Variants in FSTL3 observed in about 807,000 individuals in gnomAD.
The protein encoded by FSTL3 is follistatin like 3.
In FSTL3, 21 loss-of-function variants were observed where a neutral mutation model predicts 28.1. The observed-to-expected ratio is 0.75, with a 90% CI of 0.53 to 1.08. The LOEUF is 1.08. FSTL3 is among the 50% of genes least tolerant of loss of function. The pLI, the probability that FSTL3 is intolerant of heterozygous loss-of-function variation, is 0.00. For missense variants in FSTL3, 400 were observed against 380.9 expected (o/e 1.05, Z -0.42); for synonymous variants, 199 against 164.2 (o/e 1.21, Z -1.62).
In FSTL3 at chr19:680,479, C is replaced by T; in HGVS notation, c.495C>T (p.Gly165=). 3 of 1,250,240 alleles carry T rather than the reference C, an allele frequency of 2.4e-6. No individual in the cohort carries two copies. Among genetic ancestry groups the T allele is most frequent in the East Asian group, 3.2e-5 (1 of 31,626 alleles). 77.4% of individuals were successfully genotyped at this position (1,250,240 alleles called of 1,614,324 possible). The change falls in exon 3 of 5, where the codon GGC becomes GGT. Residue 165 remains glycine (G), a synonymous_variant. Transcript: ENST00000166139. ...CGGACCTGAGCGTCATGTACCGGGG[C>T]CGCTGCCGCAGTACGTGGGGGCGTG... ...GHPDLSVMYR[G]RCRKSCEHVV...
chr19:680,541 C>T, intron 3 of FSTL3, 52 bp downstream of exon 3: 1 of 1,029,830 alleles, frequency 9.7e-7, no homozygotes, highest in African/African-American at 1.8e-5. Flanking sequence ...ACCGGACCTG[C>T]GCGTCATGTA....
Position 681,466 on chromosome 19 carries a change from C to A in FSTL3, c.639C>A (p.Asn213Lys). 6.2e-7 allele frequency: 1 copy of A among 1,601,308 alleles called. No homozygotes were observed. Among genetic ancestry groups the A allele is most frequent in the East Asian group, 2.2e-5 (1 of 44,862 alleles). Residue 213 changes from asparagine to lysine, a missense_variant, in exon 4 of 5, where the codon AAC becomes AAA. Asn to Lys is a moderately conservative substitution (Grantham distance 94). Transcript: ENST00000166139. ...GCCCCGGCCAGGAGCTTTGCGGCAA[C>A]AACAACGTCACCTACATCTCCTCGT... The part of the protein sequence containing the change: ...PSSPGQELCG[N>K]NNVTYISSCH...
In FSTL3 at chr19:681,933, G is replaced by A. The variant is rs947344979; in HGVS notation, c.*225G>A. 5.1e-6 allele frequency: 3 copies of A among 591,846 alleles called. No individual in the cohort carries two copies. The highest frequency in any genetic ancestry group is 3.0e-6 in the Non-Finnish European group (1 of 331,460). 36.7% of individuals were successfully genotyped at this position (591,846 alleles called of 1,614,324 possible). A position where few individuals can be genotyped will look rare whatever the true frequency, so the allele number is the denominator to read the frequency against. On this transcript the variant is annotated 3_prime_UTR_variant, in exon 5 of 5. Transcript: ENST00000166139. ...TAGACCTGCGTTCCGGACACTGAGC[G>A]CCTGATTTAGGGCCCTTCTCTAGGA...
In FSTL3 at chr19:683,209, CT is replaced by C. The variant is rs2031378081; in HGVS notation, c.*1502del. ...ACGGAGGATATCCAGCTTCCCCGGT[CT>C]GGGGTGAGGAATGTGGGGAGCTTGG... On this transcript the variant is annotated 3_prime_UTR_variant, in exon 5 of 5. Transcript: ENST00000166139. 1 of 233,096 alleles carries C rather than the reference CT, an allele frequency of 4.3e-6. No individual in the cohort carries two copies. Among genetic ancestry groups the C allele is most frequent in the African/African-American group, 2.2e-5 (1 of 45,384 alleles). The allele number at this position is 233,096 out of a possible 1,614,324, so 14.4% of individuals were successfully genotyped here.
Position 677,816 on chromosome 19 carries a change from G to C in FSTL3, c.128G>C (p.Gly43Ala). 8 of 1,611,104 alleles carry C rather than the reference G, an allele frequency of 5.0e-6. No homozygotes were observed. Among genetic ancestry groups the C allele is most frequent in the Non-Finnish European group, 5.9e-6 (7 of 1,179,850 alleles). Reference sequence around the variant, plus strand: ...GGTGGTGTTTGCTGGCTCCAGCAGGGCCAGGAGGCCACCTGCAGCCTGGTG... The same window carrying C: ...GGTGGTGTTTGCTGGCTCCAGCAGGCCCAGGAGGCCACCTGCAGCCTGGTG... ...APGGVCWLQQ[G>A]QEATCSLVLQ... The change falls in exon 2 of 5, where the codon GGC becomes GCC. Residue 43 changes from glycine (G) to alanine (A), a missense_variant. Transcript: ENST00000166139.
chr19:677,060 TATG>T (rs923695000), intron 1 of FSTL3, among the ~76,000 whole-genome samples: 1 of 152,128 alleles, frequency 6.6e-6, no homozygotes, highest in Non-Finnish European at 1.5e-5. Flanking sequence ...TTTCCCCTCC[TATG>T]ATGGGTGCCA....
rs1383438852 is a variant in FSTL3, at chr19:681,357, C to T, written c.530C>T (p.Pro177Leu). ...GAGTCCTGTGAGCACGTGGTGTGCC[C>T]GCGGCCACAGTCGTGCGTCGTGGAC... ...CRKSCEHVVC[P>L]RPQSCVVDQT... Residue 177 changes from proline (P) to leucine (L), a missense_variant, in exon 4 of 5, where the codon CCG becomes CTG. Physicochemically the swap from Pro to Leu is moderately conservative, Grantham distance 98. Transcript: ENST00000166139. 4.4e-6 allele frequency: 7 copies of T among 1,580,656 alleles called. No individual in the cohort carries two copies. The highest frequency in any genetic ancestry group is 6.0e-6 in the Non-Finnish European group (7 of 1,170,762).
In FSTL3 at chr19:681,892, C is replaced by T. The variant is rs1416046891; in HGVS notation, c.*184C>T. On this transcript the variant is annotated 3_prime_UTR_variant, in exon 5 of 5. Transcript: ENST00000166139. ...GACTGAGGAAGGGAGGCCTGGGGGC[C>T]GGCTGGTGGGTGGGATAGACCTGCG... is the stretch of plus-strand genomic sequence containing the variant. The T allele has an allele frequency of 2.7e-5, 17 of 636,154 alleles. No homozygotes were observed. Among genetic ancestry groups the T allele is most frequent in the Admixed American group, 1.6e-4 (6 of 37,474 alleles). The allele number at this position is 636,154 out of a possible 1,614,324, so 39.4% of individuals were successfully genotyped here.
chr19:681,751 C>G lies in FSTL3; in HGVS notation c.*43C>G. 6 of 1,486,172 alleles carry G rather than the reference C, an allele frequency of 4.0e-6. No individual in the cohort carries two copies. The highest frequency in any genetic ancestry group is 5.5e-6 in the Non-Finnish European group (6 of 1,090,108). The allele number at this position is 1,486,172 out of a possible 1,614,324, so 92.1% of individuals were successfully genotyped here. A position where few individuals can be genotyped will look rare whatever the true frequency, so the allele number is the denominator to read the frequency against. On this transcript the variant is annotated 3_prime_UTR_variant, in exon 5 of 5. Coordinates refer to ENST00000166139, the MANE Select transcript of FSTL3 (RefSeq NM_005860.3). ...GGGCCTGGTGCCCGAGGCCCCCCAT[C>G]ATCCCCTGTTATTTATTGCCACAGC...
Position 677,873 on chromosome 19 carries a change from G to T in FSTL3, c.185G>T (p.Cys62Phe). 1.2e-6 allele frequency: 2 copies of T among 1,613,316 alleles called. No individual in the cohort carries two copies. Among genetic ancestry groups the T allele is most frequent in the Non-Finnish European group, 1.7e-6 (2 of 1,179,952 alleles). The change falls in exon 2 of 5, where the codon TGT becomes TTT. Residue 62 changes from cysteine (C) to phenylalanine (F), a missense_variant. By Grantham distance (205) the Cys-to-Phe change is radical. Transcript: ENST00000166139. The part of the protein sequence containing the change: ...LQTDVTRAEC[C>F]ASGNIDTAWS... ...ACTGATGTCACCCGGGCCGAGTGCT[G>T]TGCCTCCGGCAACATTGACACCGCC...
chr19:680,496 G>T lies in FSTL3; in HGVS notation c.505+7G>T. On this transcript the variant is annotated splice_region_variant and intron_variant, in intron 3 of 4. Transcript: ENST00000166139. ...TACCGGGGCCGCTGCCGCAGTACGT[G>T]GGGGCGTGGTCTGTGGAGGGGCGGG... 1 of 1,241,264 alleles carries T rather than the reference G, an allele frequency of 8.1e-7. No individual in the cohort carries two copies. The highest frequency in any genetic ancestry group is 1.0e-6 in the Non-Finnish European group (1 of 991,502). The allele number at this position is 1,241,264 out of a possible 1,614,324, so 76.9% of individuals were successfully genotyped here.
rs756265526 is a variant in FSTL3, at chr19:676,416, C to T, written c.-8C>T. 6 of 1,133,948 alleles carry T rather than the reference C, an allele frequency of 5.3e-6. No homozygotes were observed. Among genetic ancestry groups the T allele is most frequent in the South Asian group, 3.5e-5 (1 of 28,634 alleles). The allele number at this position is 1,133,948 out of a possible 1,614,324, so 70.2% of individuals were successfully genotyped here. A position where few individuals can be genotyped will look rare whatever the true frequency, so the allele number is the denominator to read the frequency against. On this transcript the variant is annotated 5_prime_UTR_variant, in exon 1 of 5. Transcript: ENST00000166139. The stretch of plus-strand genomic sequence containing the variant: ...GAAGTCGGTGCCGCTGCCGTCTCTG[C>T]GTTCGCCATGCGTCCCGGGGCGCCA...
chr19:679,163 G>A (rs376964678), intron 2 of FSTL3, among the ~76,000 whole-genome samples: 9 of 152,218 alleles, frequency 5.9e-5, no homozygotes, highest in African/African-American at 1.9e-4. Context: ...GGCATGAGAC[G>A]GCCCAGGACC....
At position 680,187 on chromosome 19, in the gene FSTL3, C is replaced by G. The variant is rs1032484690; in HGVS notation, c.290-87C>G. 7.5e-6 allele frequency: 6 copies of G among 795,278 alleles called. No individual in the cohort carries two copies. In the African/African-American group the frequency reaches 1.1e-4, roughly 15 times the overall value. The allele number at this position is 795,278 out of a possible 1,614,324, so 49.3% of individuals were successfully genotyped here. A position where few individuals can be genotyped will look rare whatever the true frequency, so the allele number is the denominator to read the frequency against. ...CCCCGCCTCCGCCCTGCAGAAGGGG[C>G]GCAGGGAGGGGCCCCGAGGCCTTCG... On this transcript the variant is annotated intron_variant, in intron 2 of 4. Transcript: ENST00000166139.
Position 676,492 on chromosome 19 carries a change from C to T in FSTL3, c.69C>T (p.Phe23=), listed in dbSNP as rs760560124. Residue 23 remains phenylalanine (F), a synonymous_variant, in exon 1 of 5, where the codon TTC becomes TTT. Coordinates refer to ENST00000166139, the MANE Select transcript of FSTL3 (RefSeq NM_005860.3). The part of the protein sequence containing the change: ...PWGALAWAVG[F]VSSMGSGNPA... ...GGGCCCTGGCTTGGGCCGTGGGCTT[C>T]GTGAGCTCCATGGGCTCGGGGAACC... is the stretch of plus-strand genomic sequence containing the variant. 16 of 1,173,048 alleles carry T rather than the reference C, an allele frequency of 1.4e-5. No homozygotes were observed. The South Asian group carries it at 3.6e-4, about 26-fold the overall frequency. The allele number at this position is 1,173,048 out of a possible 1,614,324, so 72.7% of individuals were successfully genotyped here. A position where few individuals can be genotyped will look rare whatever the true frequency, so the allele number is the denominator to read the frequency against.
rs2031350320 is a variant in FSTL3 at position 682,137 on chromosome 19, G to A, written c.*429G>A. On this transcript the variant is annotated 3_prime_UTR_variant, in exon 5 of 5. Transcript: ENST00000166139. ...AGCCTCTAGTCTGGGTGTGTACGGA[G>A]GGTCTAGCCTGGGTGTGTACGGAGG... 1 of 375,792 alleles carries A rather than the reference G, an allele frequency of 2.7e-6. No individual in the cohort carries two copies. Among genetic ancestry groups the A allele is most frequent in the African/African-American group, 2.0e-5 (1 of 49,816 alleles). The allele number at this position is 375,792 out of a possible 1,614,324, so 23.3% of individuals were successfully genotyped here.
In FSTL3 at chr19:682,692, A is replaced by G. The variant is rs1242411909; in HGVS notation, c.*984A>G. 1.3e-5 allele frequency: 3 copies of G among 233,200 alleles called. No homozygotes were observed. Among genetic ancestry groups the G allele is most frequent in the Non-Finnish European group, 2.5e-5 (3 of 118,090 alleles). 14.4% of individuals were successfully genotyped at this position (233,200 alleles called of 1,614,324 possible). ...CCCAGCGTCTCCCCTGCTGCTGTCC[A>G]CGTCAGTTCATGAGGCAACGTCGCG... is the stretch of plus-strand genomic sequence containing the variant. On this transcript the variant is annotated 3_prime_UTR_variant, in exon 5 of 5. Coordinates refer to ENST00000166139, the MANE Select transcript of FSTL3 (RefSeq NM_005860.3).
chr19:677,779 C>A lies in FSTL3; in HGVS notation c.104-13C>A, dbSNP rs1163938475. ...GAGTGGCCCAGGAGAGCACCCCGTT[C>A]CCCGGCCCGCAGGTGGTGTTTGCTG... On this transcript the variant is annotated splice_polypyrimidine_tract_variant and intron_variant, in intron 1 of 4. Transcript: ENST00000166139. 6 of 1,598,238 alleles carry A rather than the reference C, an allele frequency of 3.8e-6. No individual in the cohort carries two copies. Among genetic ancestry groups the A allele is most frequent in the Middle Eastern group, 3.3e-4 (2 of 5,986 alleles).
rs908106270 is a variant in FSTL3, at chr19:676,544, AGGGGCGGGC to A, written c.103+28_103+36del. On this transcript the variant is annotated intron_variant, in intron 1 of 4. Transcript: ENST00000166139. ...CGCGCCCGGTGAGTGGGGCGGCCAG[AGGGGCGGGC>A]GGGGCGGGCCACCCACGTGGGGCTG... The A allele has an allele frequency of 5.7e-5, 28 of 489,472 alleles. No individual in the cohort carries two copies. Among genetic ancestry groups the A allele is most frequent in the East Asian group, 3.4e-4 (3 of 8,770 alleles). The allele number at this position is 489,472 out of a possible 1,614,324, so 30.3% of individuals were successfully genotyped here. A position where few individuals can be genotyped will look rare whatever the true frequency, so the allele number is the denominator to read the frequency against.
Sources: gnomAD v4.1 joint callset for allele counts (sites outside exome capture counted in the v4.1 genomes callset) on GRCh38, gnomAD v4.1.1 for gene constraint, MANE v1.5 for transcripts, NCBI Gene and HGNC (gene_info 2026-07-23, HGNC 2026-07-21) for gene names.